Variants in PTPRJ observed in about 807,000 individuals in gnomAD.
PTPRJ encodes the protein protein tyrosine phosphatase receptor type J, also known as receptor-type tyrosine-protein phosphatase eta.
In PTPRJ, 129 loss-of-function variants were observed where a neutral mutation model predicts 141.3. That is an observed-to-expected ratio of 0.91 (90% confidence interval 0.79 to 1.06). PTPRJ has a LOEUF of 1.06. Among genes scored for constraint, PTPRJ ranks in the 50% least tolerant of loss-of-function variants. PTPRJ has a pLI of 0.00. For synonymous variants in PTPRJ, 610 were observed against 640.5 expected, an observed-to-expected ratio of 0.95 and a Z score of 0.72; for missense variants, 1,601 against 1,679.7, an observed-to-expected ratio of 0.95 and a Z score of 0.82.
chr11:48,150,280 A>G, intron 18 of PTPRJ, 97 bp downstream of exon 18: 1 of 985,272 alleles, frequency 1.0e-6, no homozygotes, highest in Non-Finnish European at 1.6e-6. Flanking sequence ...AGCTGAAAGA[A>G]CACTCGAGGG....
At position 48,123,788 on chromosome 11, in the gene PTPRJ, AG is replaced by A; in HGVS notation, c.796del (p.Val266PhefsTer70). 1 of 1,614,132 alleles carries A rather than the reference AG, an allele frequency of 6.2e-7. No individual in the cohort carries two copies. The highest frequency in any genetic ancestry group is 8.5e-7 in the Non-Finnish European group (1 of 1,180,002). On this transcript the variant is annotated frameshift_variant, in exon 5 of 25. Coordinates refer to ENST00000418331, the MANE Select transcript of PTPRJ (RefSeq NM_002843.4). LOFTEE classifies it high-confidence loss of function. ...LQVNISGLKP[G>X]VQYNINPYLL... is the part of the protein sequence containing the mutation. The stretch of plus-strand genomic sequence containing the variant: ...AGGTCAATATCTCGGGCCTGAAGCC[AG>A]GGGTTCAATACAACATCAACCCGTA...
intron 11 of PTPRJ, among the ~76,000 whole-genome samples, chr11:48,142,215 A>G (rs1274671271): frequency 6.6e-6 from 1 of 152,172 alleles, no homozygotes; most frequent in African/African-American, 2.4e-5. Context: ...GTCTGTCTTT[A>G]TGCCTTTAAT....
In PTPRJ at chr11:48,138,349, A is replaced by C. The variant is rs116502206; in HGVS notation, c.2152+1068A>C. Among the ~76,000 whole-genome samples, 1,026 of 152,296 alleles carry C rather than the reference A, an allele frequency of 6.7e-3. 15 individuals carry two copies. Among genetic ancestry groups the C allele is most frequent in the African/African-American group, 0.024 (988 of 41,542 alleles). On this transcript the variant is annotated intron_variant, in intron 10 of 24. Coordinates refer to ENST00000418331, the MANE Select transcript of PTPRJ (RefSeq NM_002843.4). ...ATAGTTATTTGTAGCCTATAGCAAG[A>C]GAAAAACTGTATCTGAGCATTTATG...
intron 1 of PTPRJ, among the ~76,000 whole-genome samples, chr11:48,012,101 A>G (rs1246702805): frequency 6.6e-6 from 1 of 152,024 alleles, no homozygotes; most frequent in African/African-American, 2.4e-5. Flanking sequence ...GAGTCCTGTG[A>G]GTTCACACTT....
intron 4 of PTPRJ, among the ~76,000 whole-genome samples, chr11:48,121,996 G>A (rs899149827): frequency 6.6e-6 from 1 of 152,124 alleles, no homozygotes; most frequent in Non-Finnish European, 1.5e-5. Context: ...GGTGAACGAG[G>A]TCCAGCGTGG....
chr11:47,990,503 A>G (rs530838640), intron 1 of PTPRJ, among the ~76,000 whole-genome samples: 4 of 152,072 alleles, frequency 2.6e-5, no homozygotes, highest in Non-Finnish European at 5.9e-5. Context: ...GTTCACTGCA[A>G]CCTTTGCCTC....
At chr11:48,109,921 C>T (rs1856395747) in intron 1 of PTPRJ, 137 bp from the exon 2 acceptor site, 11 of 959,876 alleles carry the variant, frequency 1.1e-5, no homozygotes, top group South Asian at 1.1e-4. Context: ...ACGGCCTAAC[C>T]CTGACCAGCA....
chr11:48,053,250 AATAT>A (rs34549630), intron 1 of PTPRJ, among the ~76,000 whole-genome samples: 1 of 84,174 alleles, frequency 1.2e-5, no homozygotes, highest in African/African-American at 6.0e-5. Context: ...ATATTTATAT[AATAT>A]ATATAATATA....
chr11:48,054,007 A>G (rs1282050179), intron 1 of PTPRJ, among the ~76,000 whole-genome samples: 2 of 140,398 alleles, frequency 1.4e-5, no homozygotes, highest in African/African-American at 5.4e-5. Flanking sequence ...ATCTCAGCTC[A>G]CTGCAGCCTC....
intron 1 of PTPRJ, among the ~76,000 whole-genome samples, chr11:48,065,449 C>T (rs1032643565): frequency 1.1e-4 from 16 of 152,266 alleles, no homozygotes; most frequent in African/African-American, 3.9e-4. Context: ...TGGGGTACCC[C>T]TCAGTGTTTT....
At chr11:48,046,763 G>A (rs1374263617) in intron 1 of PTPRJ, among the ~76,000 whole-genome samples, 1 of 151,668 alleles carries the variant, frequency 6.6e-6, no homozygotes, top group Non-Finnish European at 1.5e-5. Context: ...GTTTACTTGT[G>A]TGTAAACTTA....
At chr11:48,009,242 A>G (rs1854709335) in intron 1 of PTPRJ, among the ~76,000 whole-genome samples, 1 of 152,222 alleles carries the variant, frequency 6.6e-6, no homozygotes, top group Non-Finnish European at 1.5e-5. Flanking sequence ...ATGATATGGC[A>G]GGATGTTTAT....
chr11:48,135,547 T>A (rs2134358211), intron 8 of PTPRJ, among the ~76,000 whole-genome samples: 1 of 142,570 alleles, frequency 7.0e-6, no homozygotes, highest in African/African-American at 2.7e-5. Context: ...AGTGGTGTGA[T>A]ATCGGCTCAC....
At chr11:48,033,312 A>C (rs1457778452) in intron 1 of PTPRJ, among the ~76,000 whole-genome samples, 2 of 152,026 alleles carry the variant, frequency 1.3e-5, no homozygotes, top group Non-Finnish European at 2.9e-5. Flanking sequence ...TTGGAGTCTG[A>C]GCTTGAGATA....
chr11:48,143,220 G>C (rs1857275672), intron 12 of PTPRJ, among the ~76,000 whole-genome samples, 170 bp downstream of exon 12: 1 of 152,220 alleles, frequency 6.6e-6, no homozygotes. Context: ...CCTGATGGTT[G>C]ACAAACTTTC....
At chr11:48,038,249 G>T (rs138795769) in intron 1 of PTPRJ, among the ~76,000 whole-genome samples, 6 of 152,108 alleles carry the variant, frequency 3.9e-5, no homozygotes, top group African/African-American at 1.4e-4. Context: ...GTGAACAAGT[G>T]TTCATGGCGT....
chr11:48,005,051 G>A (rs1230994231), intron 1 of PTPRJ, among the ~76,000 whole-genome samples: 1 of 151,698 alleles, frequency 6.6e-6, no homozygotes, highest in African/African-American at 2.4e-5. Context: ...ATGAAACCCC[G>A]TCTCTACTAA....
intron 1 of PTPRJ, among the ~76,000 whole-genome samples, chr11:48,082,498 C>T (rs1231129379): frequency 1.1e-4 from 17 of 150,826 alleles, no homozygotes; most frequent in Non-Finnish European, 2.5e-4. Flanking sequence ...TCGCTGCAGC[C>T]TCTGTCTCCT....
In PTPRJ at chr11:48,121,250, C is replaced by T; in HGVS notation, c.600C>T (p.Val200=). ...ATGAGACTTGGGGAGATCCCAGAGTCATAAAAGTCATCACAGGTAAGATGA... is the reference window on the plus strand; with the variant it reads ...ATGAGACTTGGGGAGATCCCAGAGTTATAAAAGTCATCACAGGTAAGATGA... ...IGNETWGDPR[V]IKVITEPIPV... The change falls in exon 4 of 25, where the codon GTC becomes GTT. Residue 200 remains valine, a synonymous_variant. Coordinates refer to ENST00000418331, the MANE Select transcript of PTPRJ (RefSeq NM_002843.4). 2 of 1,613,992 alleles carry T rather than the reference C, an allele frequency of 1.2e-6. No individual in the cohort carries two copies. Among genetic ancestry groups the T allele is most frequent in the Non-Finnish European group, 1.7e-6 (2 of 1,179,886 alleles).
Sources: allele counts gnomAD v4.1 joint callset (sites outside exome capture counted in the v4.1 genomes callset), GRCh38; gene constraint gnomAD v4.1.1; transcripts MANE v1.5; gene names NCBI Gene and HGNC (gene_info 2026-07-23, HGNC 2026-07-21).